PIK3C2G: variants seen among roughly 807,000 people sequenced by gnomAD.
PIK3C2G encodes the protein phosphatidylinositol-4-phosphate 3-kinase catalytic subunit type 2 gamma.
PIK3C2G carries 168 observed loss-of-function variants against 181.1 expected under a neutral mutation model. The ratio of observed to expected loss-of-function variants is 0.93; its 90% confidence interval spans 0.82 to 1.05. The LOEUF (loss-of-function observed/expected upper bound fraction) is 1.05, where lower values mean the gene tolerates loss of function less well. Ranked by LOEUF, PIK3C2G falls within the 50% of genes least tolerant of loss-of-function variation. The pLI, the probability that PIK3C2G is intolerant of heterozygous loss-of-function variation, is 0.00. For synonymous variants in PIK3C2G, 573 were observed against 592.2 expected, an observed-to-expected ratio of 0.97 and a Z score of 0.47; for missense variants, 1,869 against 1,732.8, an observed-to-expected ratio of 1.08 and a Z score of -1.40.
chr12:18,419,029 G>A (rs193153092), intron 16 of PIK3C2G, among the ~76,000 whole-genome samples: 304 of 152,304 alleles, frequency 2.0e-3, no homozygotes, highest in Non-Finnish European at 3.0e-3. Flanking sequence ...CTACAGTGAG[G>A]AAGGCTGGTA....
At position 18,298,362 on chromosome 12, in the gene PIK3C2G, T is replaced by C. The variant is rs181335625; in HGVS notation, c.1034+4347T>C. ...GTCTATTCAGATTGCTTGCCCACTT[T>C]TTGATGGGATTATTTGTTTGTTCAT... On this transcript the variant is annotated intron_variant, in intron 5 of 32. Transcript: ENST00000538779. Among the ~76,000 whole-genome samples, 16 of 151,902 alleles carry C rather than the reference T, an allele frequency of 1.1e-4. No homozygotes were observed. The East Asian group carries it at 3.1e-3, about 29-fold the overall frequency.
At chr12:18,295,898 T>C (rs1225720407) in intron 5 of PIK3C2G, among the ~76,000 whole-genome samples, 1 of 151,992 alleles carries the variant, frequency 6.6e-6, no homozygotes. Flanking sequence ...GTGTAACTTG[T>C]CTAAAAAATA....
At chr12:18,471,247 T>C (rs188248440) in intron 18 of PIK3C2G, among the ~76,000 whole-genome samples, 6 of 152,268 alleles carry the variant, frequency 3.9e-5, no homozygotes, top group Admixed American at 6.5e-5. Flanking sequence ...CAATTACTGC[T>C]AGGGACCTTA....
the PIK3C2G span, among the ~76,000 whole-genome samples, chr12:18,716,209 G>A: frequency 7.2e-3 from 1,101 of 152,068 alleles, 11 homozygotes; most frequent in African/African-American, 0.025. Context: ...GTTCTCTGGA[G>A]TGCTGCCAGA....
At chr12:18,417,171 CCT>C (rs1417231677) in intron 16 of PIK3C2G, among the ~76,000 whole-genome samples, 1 of 152,090 alleles carries the variant, frequency 6.6e-6, no homozygotes, top group Non-Finnish European at 1.5e-5. Context: ...AGAAGTGGAG[CCT>C]GAAGATGTGA....
chr12:18,395,877 T>C (rs1943860561), intron 15 of PIK3C2G, among the ~76,000 whole-genome samples: 2 of 150,506 alleles, frequency 1.3e-5, no homozygotes, highest in Admixed American at 1.3e-4. Context: ...TAAGAGTATA[T>C]TTAAAAACCA....
chr12:18,474,586 A>G (rs535341159), intron 18 of PIK3C2G, among the ~76,000 whole-genome samples: 1 of 152,270 alleles, frequency 6.6e-6, no homozygotes, highest in South Asian at 2.1e-4. Context: ...GAAAAGCACT[A>G]CAATAAGCCA....
chr12:18,639,070 T>C (rs1188817319), intron 31 of PIK3C2G, among the ~76,000 whole-genome samples: 1 of 151,906 alleles, frequency 6.6e-6, no homozygotes, highest in East Asian at 1.9e-4. Context: ...GGGGAGGATA[T>C]CAAATGGCAG....
At chr12:18,342,334 AT>A (rs1939219516) in intron 9 of PIK3C2G, among the ~76,000 whole-genome samples, 1 of 152,084 alleles carries the variant, frequency 6.6e-6, no homozygotes, top group Non-Finnish European at 1.5e-5. Flanking sequence ...TTGCATATAA[AT>A]GTAATGACAT....
At chr12:18,309,649 T>A (rs527323068) in intron 5 of PIK3C2G, among the ~76,000 whole-genome samples, 4 of 151,952 alleles carry the variant, frequency 2.6e-5, no homozygotes, top group East Asian at 1.9e-4. Flanking sequence ...TTTTCCTATA[T>A]GTTCATATAG....
chr12:18,593,877 C>G (rs1565541911), intron 29 of PIK3C2G, among the ~76,000 whole-genome samples: 1 of 150,836 alleles, frequency 6.6e-6, no homozygotes, highest in African/African-American at 2.4e-5. Context: ...GAGAGAATAC[C>G]TTATGCATCT....
At chr12:18,281,524 G>T (rs997107217) in intron 1 of PIK3C2G, among the ~76,000 whole-genome samples, 5 of 146,080 alleles carry the variant, frequency 3.4e-5, no homozygotes, top group East Asian at 2.3e-4. Context: ...CGAGTTTTTT[G>T]GGGGAAAAAA....
intron 11 of PIK3C2G, among the ~76,000 whole-genome samples, chr12:18,347,322 C>T (rs940735067): frequency 1.8e-4 from 27 of 152,082 alleles, no homozygotes; most frequent in Non-Finnish European, 3.7e-4. Context: ...ATTTGCGTTT[C>T]AATAGAAATG....
chr12:18,283,850 A>T (rs1452627681), intron 2 of PIK3C2G, among the ~76,000 whole-genome samples: 1 of 152,114 alleles, frequency 6.6e-6, no homozygotes, highest in Non-Finnish European at 1.5e-5. Context: ...CAGGTGATTG[A>T]AGGTGTTGAA....
chr12:18,316,265 C>T (rs1591929640), intron 6 of PIK3C2G, among the ~76,000 whole-genome samples: 1 of 152,102 alleles, frequency 6.6e-6, no homozygotes, highest in East Asian at 1.9e-4. Context: ...AGCGCAGTTA[C>T]ATAGTGTAGC....
chr12:18,631,691 G>A (rs899524322), intron 31 of PIK3C2G, among the ~76,000 whole-genome samples: 5 of 152,230 alleles, frequency 3.3e-5, no homozygotes, highest in South Asian at 2.1e-4. Flanking sequence ...GAACCAAAGC[G>A]AAAAAGAAGG....
the PIK3C2G span, among the ~76,000 whole-genome samples, chr12:18,694,632 C>A: frequency 6.6e-6 from 1 of 151,974 alleles, no homozygotes; most frequent in African/African-American, 2.4e-5. Context: ...ATATTAAATG[C>A]CTAAATACAA....
intron 18 of PIK3C2G, among the ~76,000 whole-genome samples, chr12:18,445,442 G>T (rs1946972842): frequency 6.6e-6 from 1 of 151,794 alleles, no homozygotes; most frequent in East Asian, 1.9e-4. Flanking sequence ...ATTGGTGGCA[G>T]CCTACTAGTG....
intron 18 of PIK3C2G, among the ~76,000 whole-genome samples, chr12:18,442,190 T>C (rs1946781259): frequency 7.0e-6 from 1 of 142,610 alleles, no homozygotes; most frequent in South Asian, 2.1e-4. Flanking sequence ...ATATGAATAA[T>C]CACTATAGCT....
Sources: allele counts gnomAD v4.1 joint callset (sites outside exome capture counted in the v4.1 genomes callset), GRCh38; gene constraint gnomAD v4.1.1; transcripts MANE v1.5; gene names NCBI Gene and HGNC (gene_info 2026-07-23, HGNC 2026-07-21).